NFATC1: variants seen among roughly 807,000 people sequenced by gnomAD.
The protein encoded by NFATC1 is nuclear factor of activated T cells 1, also known as nuclear factor of activated T-cells, cytoplasmic 1.
Under a neutral mutation model 76.0 loss-of-function variants are expected in NFATC1, and 22 were observed. That is an observed-to-expected ratio of 0.29 (90% confidence interval 0.21 to 0.41). The LOEUF (loss-of-function observed/expected upper bound fraction) is 0.41. Among genes scored for constraint, NFATC1 ranks in the 10% least tolerant of loss-of-function variants. The pLI is 1.00. For synonymous variants in NFATC1, 704 were observed against 613.1 expected (o/e 1.15, Z -2.19); for missense variants, 1,357 against 1,337.7 (o/e 1.01, Z -0.23).
intron 1 of NFATC1, among the ~76,000 whole-genome samples, chr18:79,399,598 G>A (rs1353379920): frequency 6.6e-6 from 1 of 152,256 alleles, no homozygotes; most frequent in Non-Finnish European, 1.5e-5. Flanking sequence ...GGCTCGGGCC[G>A]CCTAGGGTGG....
intron 3 of NFATC1, among the ~76,000 whole-genome samples, chr18:79,436,548 C>T (rs114439762): frequency 0.015 from 2,226 of 152,276 alleles, 52 homozygotes; most frequent in African/African-American, 0.05. Context: ...CGTCCGCGTC[C>T]TCCCACGCCC....
At chr18:79,425,628 C>T (rs184229118) in intron 2 of NFATC1, among the ~76,000 whole-genome samples, 14 of 152,324 alleles carry the variant, frequency 9.2e-5, no homozygotes, top group South Asian at 8.3e-4. Flanking sequence ...CTTCTGCTGC[C>T]GAGGGCGCGA....
At chr18:79,508,467 CCTAT>C (rs145913781) in intron 9 of NFATC1, among the ~76,000 whole-genome samples, 9,860 of 152,156 alleles carry the variant, frequency 0.065, 418 homozygotes, top group Admixed American at 0.098. Flanking sequence ...TTTGTCAGAG[CCTAT>C]CTGTTAATTA....
intron 9 of NFATC1, among the ~76,000 whole-genome samples, chr18:79,495,474 G>A (rs755561354): frequency 6.6e-6 from 1 of 152,236 alleles, no homozygotes; most frequent in Non-Finnish European, 1.5e-5. Flanking sequence ...TTAAAAGTGG[G>A]TCTTAGCTTG....
chr18:79,521,214 T>G, intron 9 of NFATC1, among the ~76,000 whole-genome samples: 1 of 60,926 alleles, frequency 1.6e-5, no homozygotes, highest in African/African-American at 5.8e-5. Context: ...GATATGTGTG[T>G]CTGTGTGTGG....
intron 8 of NFATC1, among the ~76,000 whole-genome samples, chr18:79,483,200 GT>G (rs754811419): frequency 5.3e-4 from 52 of 99,004 alleles, no homozygotes; most frequent in African/African-American, 1.4e-3. Context: ...GCGTGACCTG[GT>G]TCCTGGGGTG....
Position 79,510,817 on chromosome 18 carries a change from TCTGCCGGGGCATC to T in NFATC1, c.2783-16708_2783-16696del, listed in dbSNP as rs1369674933. On this transcript the variant is annotated intron_variant, in intron 9 of 9. Coordinates refer to ENST00000427363, the MANE Select transcript of NFATC1 (RefSeq NM_001278669.2). The stretch of plus-strand genomic sequence containing the variant: ...CCCGGCATCCCCTCCACGGGGCTCC[TCTGCCGGGGCATC>T]CTCTGCCGGGGCATCCTCTGCCGGG... Among the ~76,000 whole-genome samples, 47 of 12,828 alleles carry T rather than the reference TCTGCCGGGGCATC, an allele frequency of 3.7e-3. 2 individuals are homozygous for T. Among genetic ancestry groups the T allele is most frequent in the Non-Finnish European group, 3.2e-4 (1 of 3,094 alleles). 8.4% of individuals were successfully genotyped at this position (12,828 alleles called of 152,430 possible).
chr18:79,420,439 G>GCAGCA (rs1449369306), intron 2 of NFATC1, among the ~76,000 whole-genome samples: 2 of 151,146 alleles, frequency 1.3e-5, no homozygotes, highest in African/African-American at 2.4e-5. Context: ...GCCTTTCCAG[G>GCAGCA]TGACTTCGCT....
intron 8 of NFATC1, among the ~76,000 whole-genome samples, chr18:79,479,491 A>G (rs2089200116): frequency 6.6e-6 from 1 of 152,192 alleles, no homozygotes. Flanking sequence ...CTTCTCTGAA[A>G]CCCACACAAA....
intron 4 of NFATC1, among the ~76,000 whole-genome samples, chr18:79,449,241 C>T (rs2087353206): frequency 6.6e-6 from 1 of 152,218 alleles, no homozygotes; most frequent in African/African-American, 2.4e-5. Context: ...CTGCATTTAG[C>T]TTCTAAACAG....
intron 8 of NFATC1, chr18:79,469,712 C>G (rs900536277): frequency 1.0e-6 from 1 of 985,840 alleles, no homozygotes; most frequent in Non-Finnish European, 1.2e-6. Flanking sequence ...CACCAGCCTT[C>G]GCCCGTTCTC....
In NFATC1 at chr18:79,440,035, A is replaced by G. The variant is rs562409751; in HGVS notation, c.1386+6297A>G. On this transcript the variant is annotated intron_variant, in intron 3 of 9. Transcript: ENST00000427363. ...ACTGATTTCTAACTACCTGTTCCAC[A>G]GCTCCACTGCCTGGAAAAACTGGCA... 3.3e-5 allele frequency among the ~76,000 whole-genome samples: 5 copies of G among 152,322 alleles called. No homozygotes were observed. The South Asian group carries it at 8.3e-4, about 25-fold the overall frequency.
chr18:79,487,069 C>T (rs534773235), intron 9 of NFATC1, 132 bp downstream of exon 9: 74 of 1,070,246 alleles, frequency 6.9e-5, no homozygotes, highest in African/African-American at 6.4e-4. Context: ...GTGTGGGGTG[C>T]GTCCTCCTGA....
At chr18:79,401,930 C>T (rs1173911555) in intron 1 of NFATC1, among the ~76,000 whole-genome samples, 1 of 152,202 alleles carries the variant, frequency 6.6e-6, no homozygotes, top group Admixed American at 6.5e-5. Flanking sequence ...GCCCTGGGCC[C>T]TCGGCCCTGG....
intron 2 of NFATC1, among the ~76,000 whole-genome samples, chr18:79,425,791 G>A (rs1283320220): frequency 1.3e-5 from 2 of 152,224 alleles, no homozygotes; most frequent in African/African-American, 2.4e-5. Flanking sequence ...CCAGGTGGGC[G>A]GGGGAGGAGC....
intron 4 of NFATC1, among the ~76,000 whole-genome samples, chr18:79,450,163 G>C (rs528489073): frequency 2.6e-5 from 4 of 152,312 alleles, no homozygotes; most frequent in Non-Finnish European, 4.4e-5. Flanking sequence ...CCCTGTGCTG[G>C]CTGCCGCCTC....
chr18:79,398,281 A>T (rs1426791306), intron 1 of NFATC1, among the ~76,000 whole-genome samples: 2 of 151,988 alleles, frequency 1.3e-5, no homozygotes, highest in Non-Finnish European at 2.9e-5. Flanking sequence ...CTGGGGCCAA[A>T]CAAAGCTCAC....
chr18:79,459,633 C>T (rs1281588010), intron 6 of NFATC1, among the ~76,000 whole-genome samples: 2 of 152,196 alleles, frequency 1.3e-5, no homozygotes, highest in African/African-American at 4.8e-5. Flanking sequence ...CTCTGAGCTT[C>T]CTGGGCTGGG....
chr18:79,488,216 C>A (rs1309585116), intron 9 of NFATC1, among the ~76,000 whole-genome samples: 4 of 150,884 alleles, frequency 2.7e-5, no homozygotes, highest in African/African-American at 9.9e-5. Context: ...TATTTTAGCC[C>A]CCAAAATATT....
Sources: allele counts gnomAD v4.1 joint callset (sites outside exome capture counted in the v4.1 genomes callset), GRCh38; gene constraint gnomAD v4.1.1; transcripts MANE v1.5; gene names NCBI Gene and HGNC (gene_info 2026-07-23, HGNC 2026-07-21).